The following FGFR2 variants were observed in gnomAD, a reference collection of about 807,000 sequenced individuals.
FGFR2 encodes fibroblast growth factor receptor 2.
In FGFR2, 19 loss-of-function variants were observed where a neutral mutation model predicts 95.9. The observed-to-expected ratio is 0.20, with a 90% CI of 0.14 to 0.29. The LOEUF (loss-of-function observed/expected upper bound fraction) is 0.29. Ranked by LOEUF, FGFR2 falls within the 10% of genes least tolerant of loss-of-function variation. The pLI, the probability that FGFR2 is intolerant of heterozygous loss-of-function variation, is 1.00. For synonymous variants in FGFR2, 392 were observed against 393.3 expected (o/e 1.00, Z 0.04); for missense variants, 707 against 1,056.9 (o/e 0.67, Z 4.59).
At chr10:121,573,332 C>T (rs188825663) in intron 2 of FGFR2, among the ~76,000 whole-genome samples, 23 of 152,300 alleles carry the variant, frequency 1.5e-4, no homozygotes, top group Admixed American at 1.4e-3. Context: ...CAAATTAAGC[C>T]TTTTCTGGGG....
intron 17 of FGFR2, chr10:121,482,192 A>C (rs754441038): frequency 5.0e-6 from 8 of 1,612,484 alleles, no homozygotes; most frequent in Non-Finnish European, 5.9e-6. Context: ...TAGGAAAAAA[A>C]CAGGGATATC....
At chr10:121,592,682 T>G (rs1257967668) in intron 2 of FGFR2, among the ~76,000 whole-genome samples, 1 of 151,376 alleles carries the variant, frequency 6.6e-6, no homozygotes, top group Non-Finnish European at 1.5e-5. Flanking sequence ...CCCCACTGGG[T>G]AAGTGTGCTG....
chr10:121,537,143 T>C (rs1371266186), intron 6 of FGFR2, among the ~76,000 whole-genome samples: 1 of 152,236 alleles, frequency 6.6e-6, no homozygotes, highest in African/African-American at 2.4e-5. Context: ...ACATGTTTTC[T>C]CTATGGGGAA....
chr10:121,584,102 T>C (rs1253848563), intron 2 of FGFR2, among the ~76,000 whole-genome samples: 1 of 151,946 alleles, frequency 6.6e-6, no homozygotes, highest in African/African-American at 2.4e-5. Context: ...CCCTACTTCA[T>C]AGCCTGTCCT....
chr10:121,575,482 C>A (rs1177141181), intron 2 of FGFR2, among the ~76,000 whole-genome samples: 1 of 152,132 alleles, frequency 6.6e-6, no homozygotes, highest in Admixed American at 6.5e-5. Context: ...CCTGATGGAC[C>A]ACTAAGACGC....
intron 2 of FGFR2, among the ~76,000 whole-genome samples, chr10:121,581,956 A>T (rs1860996618): frequency 6.7e-6 from 1 of 148,494 alleles, no homozygotes. Context: ...TTTTTGAGAC[A>T]GAGTCTCACC....
chr10:121,492,508 T>C (rs1368625668), intron 13 of FGFR2, among the ~76,000 whole-genome samples: 1 of 152,192 alleles, frequency 6.6e-6, no homozygotes, highest in African/African-American at 2.4e-5. Context: ...ATGAACCCAG[T>C]ACATCAGTAA....
At chr10:121,523,207 T>C (rs1456019322) in intron 6 of FGFR2, among the ~76,000 whole-genome samples, 2 of 152,254 alleles carry the variant, frequency 1.3e-5, no homozygotes, top group Non-Finnish European at 2.9e-5. Context: ...ATCATTCATC[T>C]GCCCCTATAT....
chr10:121,578,783 G>C (rs1281734851), intron 2 of FGFR2, among the ~76,000 whole-genome samples: 1 of 152,204 alleles, frequency 6.6e-6, no homozygotes, highest in Non-Finnish European at 1.5e-5. Context: ...GGTGGCAGGA[G>C]CCTATAATCC....
intron 6 of FGFR2, among the ~76,000 whole-genome samples, chr10:121,533,832 GCTCCAAGCCCTTACTTAGCAAATCA>G (rs1451571768): frequency 6.6e-6 from 1 of 152,128 alleles, no homozygotes; most frequent in Non-Finnish European, 1.5e-5. Flanking sequence ...CAGAATGCCT[GCTCCAAGCCCTTACTTAGCAAATCA>G]CTTACCCCAG....
Position 121,551,296 on chromosome 10 carries a change from G to T in FGFR2, c.618C>A (p.Gly206=). Residue 206 remains glycine, a synonymous_variant, in exon 5 of 18, where the codon GGC becomes GGA. Coordinates refer to ENST00000358487, the MANE Select transcript of FGFR2 (RefSeq NM_000141.5). ...KEFKQEHRIG[G]YKVRNQHWSL... is the part of the protein sequence containing the mutation. ...TCTGAAAGCTTAATTCTACCTTGTA[G>T]CCTCCAATGCGATGCTCCTGCTTAA... The T allele has an allele frequency of 6.2e-7, 1 of 1,614,090 alleles. No homozygotes were observed. Among genetic ancestry groups the T allele is most frequent in the Admixed American group, 1.7e-5 (1 of 60,016 alleles).
chr10:121,487,882 A>G, intron 14 of FGFR2, 109 bp downstream of exon 14: 2 of 1,310,120 alleles, frequency 1.5e-6, no homozygotes, highest in Non-Finnish European at 2.2e-6. Flanking sequence ...GGGCAGGGGA[A>G]TGGGTCCCCA....
intron 8 of FGFR2, 111 bp from the exon 9 acceptor site, chr10:121,515,430 A>C: frequency 1.6e-4 from 171 of 1,096,496 alleles, no homozygotes; most frequent in Non-Finnish European, 2.2e-4. Flanking sequence ...GACCATTCTC[A>C]AGGCAAGGTG....
rs374911145 is a variant in FGFR2, at chr10:121,522,601, C to T, written c.749-2432G>A. ...GTGAGATGGTAGTTCTCATGCTTAG[C>T]ATTCTTGCAACAATAAAATGAAATA... On this transcript the variant is annotated intron_variant, in intron 6 of 17. Coordinates refer to ENST00000358487, the MANE Select transcript of FGFR2 (RefSeq NM_000141.5). Among the ~76,000 whole-genome samples the T allele has an allele frequency of 4.1e-4, 63 of 152,260 alleles. No individual in the cohort carries two copies. The South Asian group carries it at 8.5e-3, about 21-fold the overall frequency.
chr10:121,493,211 G>C (rs914555451), intron 13 of FGFR2, among the ~76,000 whole-genome samples: 1 of 152,190 alleles, frequency 6.6e-6, no homozygotes, highest in East Asian at 1.9e-4. Flanking sequence ...CCTGGAAGAT[G>C]GTTAGCTTCT....
intron 1 of FGFR2, among the ~76,000 whole-genome samples, chr10:121,595,714 T>C (rs1336983010): frequency 6.6e-6 from 1 of 152,224 alleles, no homozygotes; most frequent in Non-Finnish European, 1.5e-5. Flanking sequence ...TCAGGAACAA[T>C]CCTAAGTCCT....
intron 4 of FGFR2, among the ~76,000 whole-genome samples, chr10:121,552,528 A>G (rs555668886): frequency 6.6e-6 from 1 of 152,354 alleles, no homozygotes; most frequent in Admixed American, 6.5e-5. Flanking sequence ...GGTGCAGCCA[A>G]GATTTGAACC....
intron 13 of FGFR2, among the ~76,000 whole-genome samples, chr10:121,491,671 C>A (rs901772906): frequency 6.6e-6 from 1 of 151,236 alleles, no homozygotes; most frequent in Non-Finnish European, 1.5e-5. Flanking sequence ...GAGATGGAGA[C>A]CACCCTGGCT....
At chr10:121,555,797 AG>A (rs1856052769) in intron 4 of FGFR2, among the ~76,000 whole-genome samples, 1 of 152,248 alleles carries the variant, frequency 6.6e-6, no homozygotes, top group Admixed American at 6.5e-5. Context: ...ATTGCACATT[AG>A]TAATAATATT....
Sources: allele counts gnomAD v4.1 joint callset (sites outside exome capture counted in the v4.1 genomes callset), GRCh38; gene constraint gnomAD v4.1.1; transcripts MANE v1.5; gene names NCBI Gene and HGNC (gene_info 2026-07-23, HGNC 2026-07-21).